Variants in CDH12 observed in about 807,000 individuals in gnomAD.
CDH12 encodes cadherin-12.
CDH12 carries 41 observed loss-of-function variants against 74.1 expected under a neutral mutation model. The observed-to-expected ratio is 0.55, with a 90% CI of 0.43 to 0.72. CDH12 has a LOEUF of 0.72. Among genes scored for constraint, CDH12 ranks in the 30% least tolerant of loss-of-function variants. The probability of loss-of-function intolerance (pLI) is 0.00; values close to 1 mark genes in which losing one functional copy is unlikely to be tolerated. For synonymous variants in CDH12, 399 were observed against 355.0 expected (o/e 1.12, Z -1.39); for missense variants, 945 against 977.2 (o/e 0.97, Z 0.44).
chr5:22,339,753 C>A (rs1243991850), intron 3 of CDH12, among the ~76,000 whole-genome samples: 1 of 152,068 alleles, frequency 6.6e-6, no homozygotes, highest in African/African-American at 2.4e-5. Flanking sequence ...TTTAGCAGGT[C>A]TTTGAAAAAC....
chr5:22,521,521 A>G (rs1486665439), intron 1 of CDH12, among the ~76,000 whole-genome samples: 1 of 152,312 alleles, frequency 6.6e-6, no homozygotes, highest in East Asian at 1.9e-4. Flanking sequence ...CATATTCTAT[A>G]CCATGCTAAA....
At chr5:22,311,588 G>C (rs142637331) in intron 3 of CDH12, among the ~76,000 whole-genome samples, 1 of 151,596 alleles carries the variant, frequency 6.6e-6, no homozygotes, top group Non-Finnish European at 1.5e-5. Context: ...TGTAATCCCA[G>C]CTACTCAGGA....
intron 6 of CDH12, among the ~76,000 whole-genome samples, chr5:21,940,956 G>A (rs569416988): frequency 6.6e-6 from 1 of 152,006 alleles, no homozygotes; most frequent in Non-Finnish European, 1.5e-5. Context: ...CCCACAATTT[G>A]TCGGTAAACC....
chr5:22,592,271 A>G (rs833352), intron 1 of CDH12, among the ~76,000 whole-genome samples: 83,671 of 151,998 alleles, frequency 0.55, 23,321 homozygotes, highest in East Asian at 0.68. Flanking sequence ...CTCTTTCCAC[A>G]GGCTGTACTT....
chr5:22,300,707 T>G (rs1561294945), intron 3 of CDH12, among the ~76,000 whole-genome samples: 1 of 152,212 alleles, frequency 6.6e-6, no homozygotes, highest in Admixed American at 6.5e-5. Flanking sequence ...AGGAAACTGA[T>G]TTTTGGATTT....
chr5:22,117,750 T>C (rs1745259542), intron 4 of CDH12, among the ~76,000 whole-genome samples: 1 of 151,034 alleles, frequency 6.6e-6, no homozygotes, highest in Admixed American at 6.6e-5. Context: ...GGTTACATCA[T>C]TGCATGTATA....
chr5:22,425,004 T>A (rs928121712), intron 2 of CDH12, among the ~76,000 whole-genome samples: 1 of 150,438 alleles, frequency 6.6e-6, no homozygotes, highest in East Asian at 1.9e-4. Context: ...ATTTCTTCCA[T>A]ACATGATATA....
At chr5:22,792,444 G>A (rs1035172772) in intron 1 of CDH12, among the ~76,000 whole-genome samples, 1 of 152,164 alleles carries the variant, frequency 6.6e-6, no homozygotes, top group African/African-American at 2.4e-5. Context: ...ACAGTGGTAA[G>A]ATAGGTTAGC....
chr5:22,519,693 G>C (rs1006263493), intron 1 of CDH12, among the ~76,000 whole-genome samples: 1 of 152,018 alleles, frequency 6.6e-6, no homozygotes, highest in African/African-American at 2.4e-5. Context: ...TATGGTAGTT[G>C]GGAACTTTCG....
chr5:22,057,001 G>A (rs1448592947), intron 5 of CDH12, among the ~76,000 whole-genome samples: 1 of 152,100 alleles, frequency 6.6e-6, no homozygotes, highest in Non-Finnish European at 1.5e-5. Context: ...AGTTCTGCAT[G>A]TTCACAAATG....
intron 1 of CDH12, among the ~76,000 whole-genome samples, chr5:22,639,732 T>C (rs1272463527): frequency 1.3e-5 from 2 of 152,174 alleles, no homozygotes; most frequent in Admixed American, 1.3e-4. Context: ...CCCCACTAAT[T>C]AGCCCCATTC....
intron 4 of CDH12, among the ~76,000 whole-genome samples, chr5:22,091,200 T>TATAG (rs1385990290): frequency 5.0e-4 from 34 of 67,662 alleles, no homozygotes; most frequent in Non-Finnish European, 8.0e-4. Flanking sequence ...TGTGTGTGTA[T>TATAG]ATATATATAT....
At chr5:22,460,580 A>T (rs1425430813) in intron 2 of CDH12, among the ~76,000 whole-genome samples, 1 of 152,196 alleles carries the variant, frequency 6.6e-6, no homozygotes, top group African/African-American at 2.4e-5. Context: ...TTTCACTTAT[A>T]GCAGAGATGT....
At chr5:22,296,371 T>C (rs1737624426) in intron 3 of CDH12, among the ~76,000 whole-genome samples, 2 of 152,094 alleles carry the variant, frequency 1.3e-5, no homozygotes, top group South Asian at 2.1e-4. Context: ...AATTATATGC[T>C]AATATATGTC....
intron 5 of CDH12, among the ~76,000 whole-genome samples, chr5:22,014,901 A>T (rs1737513828): frequency 6.6e-6 from 1 of 152,168 alleles, no homozygotes; most frequent in Non-Finnish European, 1.5e-5. Flanking sequence ...AGACTTTAAA[A>T]TATATCATAT....
chr5:21,894,400 A>T (rs993627411), intron 6 of CDH12, among the ~76,000 whole-genome samples: 2 of 151,654 alleles, frequency 1.3e-5, no homozygotes. Context: ...AAAAAAAAAA[A>T]AAAAGAAAGC....
intron 1 of CDH12, among the ~76,000 whole-genome samples, chr5:22,582,752 G>A (rs1740168880): frequency 6.6e-6 from 1 of 152,050 alleles, no homozygotes. Context: ...GCATACTACT[G>A]AATCCTGAGT....
chr5:22,462,525 C>A (rs932473250), intron 2 of CDH12, among the ~76,000 whole-genome samples: 2 of 152,114 alleles, frequency 1.3e-5, no homozygotes, highest in East Asian at 3.9e-4. Flanking sequence ...TGGGTGGCAT[C>A]GTGGCAGGCT....
intron 5 of CDH12, among the ~76,000 whole-genome samples, chr5:21,996,171 A>G (rs1211186172): frequency 7.6e-6 from 1 of 131,358 alleles, no homozygotes; most frequent in Non-Finnish European, 1.6e-5. Flanking sequence ...TCTTTCTCGT[A>G]CTAGAACTAT....
Sources: gnomAD v4.1 joint callset for allele counts (sites outside exome capture counted in the v4.1 genomes callset) on GRCh38, gnomAD v4.1.1 for gene constraint, MANE v1.5 for transcripts, NCBI Gene and HGNC (gene_info 2026-07-23, HGNC 2026-07-21) for gene names.